KCNQ1: variants seen among roughly 807,000 people sequenced by gnomAD.
KCNQ1 encodes the protein potassium voltage-gated channel subfamily Q member 1.
Under a neutral mutation model 72.4 loss-of-function variants are expected in KCNQ1, and 49 were observed. The ratio of observed to expected loss-of-function variants is 0.68; its 90% confidence interval spans 0.54 to 0.86. The LOEUF (loss-of-function observed/expected upper bound fraction) is 0.86, where lower values mean the gene tolerates loss of function less well. Ranked by LOEUF, KCNQ1 falls within the 40% of genes least tolerant of loss-of-function variation. KCNQ1 has a pLI of 0.00. For missense variants in KCNQ1, 790 were observed against 945.1 expected (o/e 0.84, Z 2.15); for synonymous variants, 450 against 412.6 (o/e 1.09, Z -1.10).
Position 2,508,481 on chromosome 11 carries a change from G to A in KCNQ1, c.387-19447G>A, listed in dbSNP as rs959728850. Among the ~76,000 whole-genome samples, 6 of 152,028 alleles carry A rather than the reference G, an allele frequency of 3.9e-5. No homozygotes were observed. Among genetic ancestry groups the A allele is most frequent in the Non-Finnish European group, 7.4e-5 (5 of 67,980 alleles). ...TGGGGAGGAGTGTGGGTCCTGAGTG[G>A]AGTGTCCCATCTGTCATGCAGAGAG... On this transcript the variant is annotated intron_variant, in intron 1 of 15. Transcript: ENST00000155840. This position sits in a 1 kb window ranked among gnomAD's most constrained non-coding sequence, Gnocchi z 6.2.
In KCNQ1 at chr11:2,754,350, G is replaced by A. The variant is rs139926024; in HGVS notation, c.1515-14494G>A. 2.8e-4 allele frequency among the ~76,000 whole-genome samples: 43 copies of A among 152,336 alleles called. No individual in the cohort carries two copies. The East Asian group carries it at 4.0e-3, about 14-fold the overall frequency. ...CCCCAGCCTCTCACCTGCAGCCCAG[G>A]CATCCTCCAGTGGGTTTTTCAGGGA... On this transcript the variant is annotated intron_variant, in intron 11 of 15. Transcript: ENST00000155840.
At chr11:2,614,937 C>A (rs1849037132) in intron 10 of KCNQ1, 1 of 398,226 alleles carries the variant, frequency 2.5e-6, no homozygotes, top group Non-Finnish European at 4.4e-6. Context: ...TAAAAAGGCC[C>A]TTGGGATTTT....
intron 11 of KCNQ1, among the ~76,000 whole-genome samples, chr11:2,757,266 G>C (rs1355776131): frequency 1.3e-5 from 2 of 152,100 alleles, no homozygotes; most frequent in Non-Finnish European, 2.9e-5. Flanking sequence ...AAAATCACTT[G>C]CATTTCTATA....
chr11:2,827,022 A>G lies in KCNQ1; in HGVS notation c.1795-20745A>G, dbSNP rs1433282548. Among the ~76,000 whole-genome samples the G allele has an allele frequency of 6.6e-6, 1 of 152,128 alleles. No individual in the cohort carries two copies. The highest frequency in any genetic ancestry group is 1.5e-5 in the Non-Finnish European group (1 of 68,004). ...TTGGAGTCATTTTCAGTCACTCACAAGCCACAGGAGGGCTTCAGCCTGAAG... is the reference window on the plus strand; with the variant it reads ...TTGGAGTCATTTTCAGTCACTCACAGGCCACAGGAGGGCTTCAGCCTGAAG... On this transcript the variant is annotated intron_variant, in intron 15 of 15. Transcript: ENST00000155840. The surrounding 1 kb of genome is among the most constrained non-coding windows in gnomAD (Gnocchi z 6.7).
rs927845461 is a variant in KCNQ1 at position 2,451,780 on chromosome 11, A to G, written c.386+6296A>G. The stretch of plus-strand genomic sequence containing the variant: ...CCCCATTTCGCTCCTCCACTCACAG[A>G]TGAGGACATTTGGGTCGCCTTACAG... On this transcript the variant is annotated intron_variant, in intron 1 of 15. Coordinates refer to ENST00000155840, the MANE Select transcript of KCNQ1 (RefSeq NM_000218.3). The surrounding 1 kb of genome is among the most constrained non-coding windows in gnomAD (Gnocchi z 6.4). 6.6e-6 allele frequency among the ~76,000 whole-genome samples: 1 copy of G among 152,094 alleles called. No homozygotes were observed. Among genetic ancestry groups the G allele is most frequent in the Non-Finnish European group, 1.5e-5 (1 of 68,014 alleles).
rs1848690062 is a variant in KCNQ1, at chr11:2,593,002, C to T, written c.1393+4148C>T. On this transcript the variant is annotated intron_variant, in intron 10 of 15. Coordinates refer to ENST00000155840, the MANE Select transcript of KCNQ1 (RefSeq NM_000218.3). This position sits in a 1 kb window ranked among gnomAD's most constrained non-coding sequence, Gnocchi z 6.9. ...AGCCGCCTCCATCCTGAGCTGCCTA[C>T]CCTGCCCCTCCTCCACTCCAGTTGT... Among the ~76,000 whole-genome samples, 1 of 152,220 alleles carries T rather than the reference C, an allele frequency of 6.6e-6. No individual in the cohort carries two copies. The highest frequency in any genetic ancestry group is 1.5e-5 in the Non-Finnish European group (1 of 68,034).
Position 2,674,614 on chromosome 11 carries a change from C to G in KCNQ1, c.1514+12533C>G, listed in dbSNP as rs929995876. Reference sequence around the variant, plus strand: ...CTTTTAAATAGGCTCTGGCTTAAAACAGTCACAGCGAAACATGCCTTTGAA... The same window carrying G: ...CTTTTAAATAGGCTCTGGCTTAAAAGAGTCACAGCGAAACATGCCTTTGAA... On this transcript the variant is annotated intron_variant, in intron 11 of 15. Coordinates refer to ENST00000155840, the MANE Select transcript of KCNQ1 (RefSeq NM_000218.3). This position sits in a 1 kb window ranked among gnomAD's most constrained non-coding sequence, Gnocchi z 5.9. 2 of 398,500 alleles carry G rather than the reference C, an allele frequency of 5.0e-6. No homozygotes were observed. The highest frequency in any genetic ancestry group is 8.8e-6 in the Non-Finnish European group (2 of 226,078). The allele number at this position is 398,500 out of a possible 1,614,324, so 24.7% of individuals were successfully genotyped here.
At chr11:2,530,449 CCCAGGCTGTGAGAG>C (rs1259160694) in intron 2 of KCNQ1, among the ~76,000 whole-genome samples, 16 of 152,360 alleles carry the variant, frequency 1.1e-4, no homozygotes, top group Non-Finnish European at 8.8e-5. Flanking sequence ...GCCAGTGGTT[CCCAGGCTGTGAGAG>C]CCGCGCTGCC....
At chr11:2,689,046 G>A (rs1850545187) in intron 11 of KCNQ1, 4 of 398,892 alleles carry the variant, frequency 1.0e-5, no homozygotes, top group South Asian at 1.3e-4. Flanking sequence ...GGGTTTTGAG[G>A]GGCAGTTACC....
At position 2,466,443 on chromosome 11, in the gene KCNQ1, G is replaced by A. The variant is rs184312180; in HGVS notation, c.386+20959G>A. Among the ~76,000 whole-genome samples, 53 of 152,316 alleles carry A rather than the reference G, an allele frequency of 3.5e-4. 1 individual carries two copies. Among genetic ancestry groups the A allele is most frequent in the Non-Finnish European group, 6.2e-4 (42 of 67,998 alleles). ...GTGCTGGGGGTCCCCTCCTGGGCCTGGGGCTGTGGTTCTTAGAGGGGCAAG... is the reference window on the plus strand; with the variant it reads ...GTGCTGGGGGTCCCCTCCTGGGCCTAGGGCTGTGGTTCTTAGAGGGGCAAG... On this transcript the variant is annotated intron_variant, in intron 1 of 15. Coordinates refer to ENST00000155840, the MANE Select transcript of KCNQ1 (RefSeq NM_000218.3).
At position 2,451,433 on chromosome 11, in the gene KCNQ1, G is replaced by A. The variant is rs1846117694; in HGVS notation, c.386+5949G>A. Among the ~76,000 whole-genome samples, 1 of 152,172 alleles carries A rather than the reference G, an allele frequency of 6.6e-6. No homozygotes were observed. Among genetic ancestry groups the A allele is most frequent in the South Asian group, 2.1e-4 (1 of 4,832 alleles). On this transcript the variant is annotated intron_variant, in intron 1 of 15. Coordinates refer to ENST00000155840, the MANE Select transcript of KCNQ1 (RefSeq NM_000218.3). This position sits in a 1 kb window ranked among gnomAD's most constrained non-coding sequence, Gnocchi z 6.4. The stretch of plus-strand genomic sequence containing the variant: ...GCGGCCTGCTCCCTAACAGGCCACG[G>A]ACCCGGGGTTGGAGAACCCTGTCTT...
chr11:2,826,124 AT>A lies in KCNQ1; in HGVS notation c.1795-21642del, dbSNP rs1237014958. 6.6e-6 allele frequency among the ~76,000 whole-genome samples: 1 copy of A among 152,228 alleles called. No homozygotes were observed. The highest frequency in any genetic ancestry group is 2.4e-5 in the African/African-American group (1 of 41,454). ...ACCTAACCAGGCCTGGCTCATGCCA[AT>A]GTCTTGAGTAATTATTGGGGGGCGG... On this transcript the variant is annotated intron_variant, in intron 15 of 15. Coordinates refer to ENST00000155840, the MANE Select transcript of KCNQ1 (RefSeq NM_000218.3). The surrounding 1 kb of genome is among the most constrained non-coding windows in gnomAD (Gnocchi z 4.2).
Position 2,661,103 on chromosome 11 carries a change from C to T in KCNQ1, c.1394-858C>T, listed in dbSNP as rs927347930. On this transcript the variant is annotated intron_variant, in intron 10 of 15. Coordinates refer to ENST00000155840, the MANE Select transcript of KCNQ1 (RefSeq NM_000218.3). This position sits in a 1 kb window ranked among gnomAD's most constrained non-coding sequence, Gnocchi z 5.9. ...CCCATGTGCATAAAAGCAACTCCCA[C>T]CTGGCATCTGCTGCTCGGATGAGCA... is the stretch of plus-strand genomic sequence containing the variant. The T allele has an allele frequency of 5.0e-6, 2 of 398,456 alleles. No individual in the cohort carries two copies. Among genetic ancestry groups the T allele is most frequent in the Non-Finnish European group, 8.8e-6 (2 of 226,056 alleles). The allele number at this position is 398,456 out of a possible 1,614,324, so 24.7% of individuals were successfully genotyped here.
In KCNQ1 at chr11:2,507,589, G is replaced by A. The variant is rs1254597708; in HGVS notation, c.387-20339G>A. Among the ~76,000 whole-genome samples, 6 of 152,184 alleles carry A rather than the reference G, an allele frequency of 3.9e-5. No individual in the cohort carries two copies. The highest frequency in any genetic ancestry group is 2.0e-4 in the Admixed American group (3 of 15,282). ...TTCTGACATGGGTCAGGGTTGGGGC[G>A]AAGGAGTCCAGCTGGGGACATGTTA... On this transcript the variant is annotated intron_variant, in intron 1 of 15. Coordinates refer to ENST00000155840, the MANE Select transcript of KCNQ1 (RefSeq NM_000218.3). This position sits in a 1 kb window ranked among gnomAD's most constrained non-coding sequence, Gnocchi z 5.4.
intron 2 of KCNQ1, among the ~76,000 whole-genome samples, chr11:2,539,191 C>A (rs1847783443): frequency 6.6e-6 from 1 of 152,216 alleles, no homozygotes; most frequent in Non-Finnish European, 1.5e-5. Flanking sequence ...TCCTCCAGAT[C>A]TCCGCCAGGT....
At chr11:2,819,773 G>A (rs2099001493) in intron 15 of KCNQ1, among the ~76,000 whole-genome samples, 1 of 152,140 alleles carries the variant, frequency 6.6e-6, no homozygotes, top group Non-Finnish European at 1.5e-5. Context: ...TTTAGAGGAG[G>A]GTAGGTAACT....
chr11:2,566,885 C>G lies in KCNQ1; in HGVS notation c.478-3743C>G, dbSNP rs1216908102. Among the ~76,000 whole-genome samples, 1 of 151,446 alleles carries G rather than the reference C, an allele frequency of 6.6e-6. No homozygotes were observed. The highest frequency in any genetic ancestry group is 1.5e-5 in the Non-Finnish European group (1 of 67,860). ...ATCAGTGGGGGAGTCAGGAAGTACCCCGGTTCTGTACCTGTAGTGGATGGG... is the reference window on the plus strand; with the variant it reads ...ATCAGTGGGGGAGTCAGGAAGTACCGCGGTTCTGTACCTGTAGTGGATGGG... On this transcript the variant is annotated intron_variant, in intron 2 of 15. Coordinates refer to ENST00000155840, the MANE Select transcript of KCNQ1 (RefSeq NM_000218.3). This position sits in a 1 kb window ranked among gnomAD's most constrained non-coding sequence, Gnocchi z 6.7.
intron 15 of KCNQ1, among the ~76,000 whole-genome samples, chr11:2,822,147 G>C: frequency 6.6e-6 from 1 of 152,190 alleles, no homozygotes; most frequent in East Asian, 1.9e-4. Context: ...AACGCAGGCA[G>C]CTTCTAGAAA....
At chr11:2,469,760 G>A (rs575172865) in intron 1 of KCNQ1, among the ~76,000 whole-genome samples, 71 of 151,966 alleles carry the variant, frequency 4.7e-4, no homozygotes, top group East Asian at 9.7e-4. Flanking sequence ...TGCAAGCTCC[G>A]CCTTCCGGGT....
Sources: allele counts gnomAD v4.1 joint callset (sites outside exome capture counted in the v4.1 genomes callset), GRCh38; gene constraint gnomAD v4.1.1; non-coding constraint Gnocchi (gnomAD v3.1); transcripts MANE v1.5; gene names NCBI Gene and HGNC (gene_info 2026-07-23, HGNC 2026-07-21).